Variants in NRDE2 observed in about 807,000 individuals in gnomAD.
The protein encoded by NRDE2 is nuclear exosome regulator NRDE2.
A neutral mutation model predicts 124.2 loss-of-function variants in NRDE2; 76 were observed. That is an observed-to-expected ratio of 0.61 (90% CI 0.51 to 0.74). The LOEUF is 0.74. NRDE2 is among the 30% of genes least tolerant of loss of function. The pLI, the probability that NRDE2 is intolerant of heterozygous loss-of-function variation, is 0.00. For synonymous variants in NRDE2, 489 were observed against 528.1 expected (o/e 0.93, Z 1.01); for missense variants, 1,314 against 1,417.3 (o/e 0.93, Z 1.17).
intron 1 of NRDE2, among the ~76,000 whole-genome samples, chr14:90,323,410 C>T (rs1405422754): frequency 6.6e-6 from 1 of 152,088 alleles, no homozygotes; most frequent in African/African-American, 2.4e-5. Context: ...GTTCTACATC[C>T]ATTCCCCTTC....
chr14:90,307,999 T>C (rs1330750752), intron 4 of NRDE2, among the ~76,000 whole-genome samples: 1 of 152,178 alleles, frequency 6.6e-6, no homozygotes, highest in Non-Finnish European at 1.5e-5. Context: ...CCTCCTGTCT[T>C]GACCTCCCAA....
At chr14:90,286,264 G>T in intron 12 of NRDE2, 90 bp downstream of exon 12, 1 of 1,441,514 alleles carries the variant, frequency 6.9e-7, no homozygotes. Context: ...TCCTGGGCAG[G>T]GGCTACTTCT....
chr14:90,294,362 C>G (rs1182122589), intron 8 of NRDE2, among the ~76,000 whole-genome samples: 1 of 151,602 alleles, frequency 6.6e-6, no homozygotes, highest in African/African-American at 2.4e-5. Context: ...GAATATCTAC[C>G]CAGGAGAACT....
chr14:90,320,240 C>T (rs888386432), intron 1 of NRDE2, among the ~76,000 whole-genome samples: 6 of 152,288 alleles, frequency 3.9e-5, no homozygotes, highest in South Asian at 2.1e-4. Flanking sequence ...TTAATTGACT[C>T]GTAGTTCCAC....
intron 1 of NRDE2, among the ~76,000 whole-genome samples, chr14:90,326,500 C>CAA (rs10684490): frequency 0.014 from 1,095 of 78,580 alleles, 17 homozygotes; most frequent in African/African-American, 0.041. Flanking sequence ...GACTCTGTCT[C>CAA]AAAAAAAAAA....
chr14:90,280,141 T>C (rs1891914588), intron 12 of NRDE2: 1 of 152,112 alleles, frequency 6.6e-6, no homozygotes. Flanking sequence ...TTTTTTTCAC[T>C]GTCTATGTTG....
At chr14:90,325,129 T>C (rs1272128589) in intron 1 of NRDE2, among the ~76,000 whole-genome samples, 1 of 152,164 alleles carries the variant, frequency 6.6e-6, no homozygotes, top group Non-Finnish European at 1.5e-5. Flanking sequence ...GTCTAAGTTT[T>C]GGTTTGGGTG....
At chr14:90,299,098 T>G (rs1278119319) in intron 7 of NRDE2, among the ~76,000 whole-genome samples, 1 of 152,022 alleles carries the variant, frequency 6.6e-6, no homozygotes, top group East Asian at 1.9e-4. Flanking sequence ...CAGGCTGGAG[T>G]GCAGTGGTGT....
intron 1 of NRDE2, among the ~76,000 whole-genome samples, chr14:90,327,170 G>A (rs945619806): frequency 6.6e-6 from 1 of 152,172 alleles, no homozygotes; most frequent in East Asian, 1.9e-4. Flanking sequence ...CTGGAGAAAT[G>A]GCCAACTCCA....
intron 7 of NRDE2, among the ~76,000 whole-genome samples, chr14:90,300,412 C>T (rs983557809): frequency 2.6e-5 from 4 of 152,142 alleles, no homozygotes; most frequent in Non-Finnish European, 4.4e-5. Flanking sequence ...TGACGGAGGC[C>T]TTGGCCTCTC....
chr14:90,276,544 G>A lies in NRDE2; in HGVS notation c.*1792C>T, dbSNP rs1891809568. The A allele has an allele frequency of 6.6e-6, 1 of 152,120 alleles. No individual in the cohort carries two copies. The highest frequency in any genetic ancestry group is 1.5e-5 in the Non-Finnish European group (1 of 68,030). 9.4% of individuals were successfully genotyped at this position (152,120 alleles called of 1,614,324 possible). ...TCAAATGGGCTTTTAAATAACAACA[G>A]TGATGCTCTTGACATCTTGTTTTCT... On this transcript the variant is annotated 3_prime_UTR_variant, in exon 14 of 14. Coordinates refer to ENST00000354366, the MANE Select transcript of NRDE2 (RefSeq NM_017970.4).
At chr14:90,327,861 A>C (rs1885499603) in intron 1 of NRDE2, among the ~76,000 whole-genome samples, 1 of 152,074 alleles carries the variant, frequency 6.6e-6, no homozygotes, top group Admixed American at 6.5e-5. Context: ...AGCCAGGAGT[A>C]AGCTGGGCGC....
intron 8 of NRDE2, 142 bp downstream of exon 8, chr14:90,298,118 A>G: frequency 1.1e-6 from 1 of 885,966 alleles, no homozygotes; most frequent in Admixed American, 2.3e-5. Context: ...CATGACATCT[A>G]CTTAACATTT....
At chr14:90,322,005 C>T (rs1885264373) in intron 1 of NRDE2, among the ~76,000 whole-genome samples, 1 of 152,132 alleles carries the variant, frequency 6.6e-6, no homozygotes. Flanking sequence ...CCAGCTGTGG[C>T]CAAGGGCAAG....
chr14:90,321,549 TAAAAAAAAAAAA>T (rs1012195271), intron 1 of NRDE2, among the ~76,000 whole-genome samples: 2 of 108,808 alleles, frequency 1.8e-5, no homozygotes, highest in African/African-American at 6.7e-5. Flanking sequence ...CCAGCTCTAT[TAAAAAAAAAAAA>T]AAAAAAAGAA....
intron 4 of NRDE2, among the ~76,000 whole-genome samples, chr14:90,307,391 T>G (rs1884645977): frequency 6.6e-6 from 1 of 152,204 alleles, no homozygotes. Flanking sequence ...ACACAATGTT[T>G]CCCTAAATGA....
intron 12 of NRDE2, among the ~76,000 whole-genome samples, chr14:90,281,924 A>C (rs1487914192): frequency 2.0e-5 from 3 of 152,198 alleles, no homozygotes; most frequent in Non-Finnish European, 4.4e-5. Context: ...CAGCTCTTGT[A>C]AATGATGGCC....
At chr14:90,279,175 CAG>C (rs1380045126) in intron 12 of NRDE2, 42 bp from the exon 13 acceptor site, 1 of 1,484,822 alleles carries the variant, frequency 6.7e-7, no homozygotes, top group Non-Finnish European at 9.4e-7. Context: ...TTAGTTGACA[CAG>C]AGAGGCTAAG....
Position 90,272,132 on chromosome 14 carries a change from G to A in NRDE2, c.*6204C>T, listed in dbSNP as rs566708202. 16 of 809,426 alleles carry A rather than the reference G, an allele frequency of 2.0e-5. No individual in the cohort carries two copies. The highest frequency in any genetic ancestry group is 1.2e-4 in the South Asian group (7 of 60,164). The allele number at this position is 809,426 out of a possible 1,614,324, so 50.1% of individuals were successfully genotyped here. A position where few individuals can be genotyped will look rare whatever the true frequency, so the allele number is the denominator to read the frequency against. On this transcript the variant is annotated 3_prime_UTR_variant, in exon 14 of 14. Coordinates refer to ENST00000354366, the MANE Select transcript of NRDE2 (RefSeq NM_017970.4). This position sits in a 1 kb window ranked among gnomAD's most constrained non-coding sequence, Gnocchi z 4.5. ...TGGTCTTGAACTCCTGACCTTAGGC[G>A]ATCCACCTGCCTCGGCCTCCCAGAG... is the stretch of plus-strand genomic sequence containing the variant.
Sources: gnomAD v4.1 joint callset for allele counts (sites outside exome capture counted in the v4.1 genomes callset) on GRCh38, gnomAD v4.1.1 for gene constraint, Gnocchi (gnomAD v3.1) non-coding constraint, MANE v1.5 for transcripts, NCBI Gene and HGNC (gene_info 2026-07-23, HGNC 2026-07-21) for gene names.